SKI: variants seen among roughly 807,000 people sequenced by gnomAD.
SKI encodes the protein SKI proto-oncogene, also known as ski oncogene.
In SKI, 23 loss-of-function variants were observed where a neutral mutation model predicts 59.3. That is an observed-to-expected ratio of 0.39 (90% CI 0.28 to 0.55). SKI has a LOEUF of 0.55. SKI is among the 20% of genes least tolerant of loss of function. The pLI, the probability that SKI is intolerant of heterozygous loss-of-function variation, is 0.67. For synonymous variants in SKI, 673 were observed against 488.6 expected, an observed-to-expected ratio of 1.38 and a Z score of -4.98; for missense variants, 1,017 against 1,038.9, an observed-to-expected ratio of 0.98 and a Z score of 0.29.
chr1:2,287,056 C>T (rs1037997850), intron 1 of SKI, among the ~76,000 whole-genome samples: 1 of 152,116 alleles, frequency 6.6e-6, no homozygotes, highest in African/African-American at 2.4e-5. Flanking sequence ...TTCCCAGACC[C>T]GGTGGTCCAG....
intron 1 of SKI, among the ~76,000 whole-genome samples, chr1:2,293,512 C>G (rs1640214276): frequency 6.6e-6 from 1 of 152,068 alleles, no homozygotes; most frequent in South Asian, 2.1e-4. Context: ...CGTGTCTGTC[C>G]CCACCATCGT....
In SKI at chr1:2,304,383, C is replaced by A; in HGVS notation, c.1565C>A (p.Pro522His). 2 of 1,551,932 alleles carry A rather than the reference C, an allele frequency of 1.3e-6. No individual in the cohort carries two copies. Among genetic ancestry groups the A allele is most frequent in the Non-Finnish European group, 1.7e-6 (2 of 1,147,452 alleles). The change falls in exon 5 of 7, where the codon CCC becomes CAC. Residue 522 changes from proline to histidine, a missense_variant. Transcript: ENST00000378536. ...GGCTCCCCGGGTGCGCGTGCCCTGC[C>A]CTCGGCCGTCCCTGATGCTGCGGCC... ...DLGSPGARAL[P>H]SAVPDAAAPA...
intron 1 of SKI, among the ~76,000 whole-genome samples, chr1:2,274,937 T>G (rs990121688): frequency 3.9e-5 from 6 of 152,178 alleles, no homozygotes; most frequent in Admixed American, 6.5e-5. Flanking sequence ...TCCAATTGTT[T>G]GGGGCCTTCG....
At chr1:2,304,711 AC>A in intron 5 of SKI, 126 bp downstream of exon 5, 2 of 1,414,228 alleles carry the variant, frequency 1.4e-6, no homozygotes, top group Non-Finnish European at 1.9e-6. Flanking sequence ...CTCTGCCTCC[AC>A]CTCAGTGGGC....
chr1:2,271,878 G>A (rs983425738), intron 1 of SKI, among the ~76,000 whole-genome samples: 1 of 152,236 alleles, frequency 6.6e-6, no homozygotes, highest in African/African-American at 2.4e-5. Flanking sequence ...ATTGGCTGGT[G>A]ATGCTTCCAG....
At chr1:2,291,799 C>T (rs974429769) in intron 1 of SKI, among the ~76,000 whole-genome samples, 1 of 152,210 alleles carries the variant, frequency 6.6e-6, no homozygotes, top group African/African-American at 2.4e-5. Flanking sequence ...AAAGATTTGG[C>T]TTTTTGTCAT....
chr1:2,266,138 G>C (rs1639495967), intron 1 of SKI, among the ~76,000 whole-genome samples: 1 of 152,078 alleles, frequency 6.6e-6, no homozygotes, highest in Non-Finnish European at 1.5e-5. Context: ...TCCTGTGGCA[G>C]AATCTTCTGA....
At chr1:2,243,353 G>A (rs1638921315) in intron 1 of SKI, among the ~76,000 whole-genome samples, 1 of 152,250 alleles carries the variant, frequency 6.6e-6, no homozygotes, top group South Asian at 2.1e-4. Context: ...CTCCTCGGCA[G>A]GGGGCCGCCA....
At chr1:2,234,187 G>C (rs993536021) in intron 1 of SKI, among the ~76,000 whole-genome samples, 7 of 152,156 alleles carry the variant, frequency 4.6e-5, no homozygotes, top group Non-Finnish European at 8.8e-5. Context: ...GGAAACAGCA[G>C]CTCGAGAGTG....
chr1:2,278,170 G>T (rs1229736870), intron 1 of SKI, among the ~76,000 whole-genome samples: 1 of 152,204 alleles, frequency 6.6e-6, no homozygotes, highest in Non-Finnish European at 1.5e-5. Flanking sequence ...CCCAGCCTTG[G>T]GTCCCAAAGT....
In SKI at chr1:2,284,412, T is replaced by C. The variant is rs184458285; in HGVS notation, c.970-18566T>C. 4.3e-4 allele frequency among the ~76,000 whole-genome samples: 65 copies of C among 152,328 alleles called. No individual in the cohort carries two copies. In the East Asian group the frequency reaches 8.9e-3, roughly 21 times the overall value. On this transcript the variant is annotated intron_variant, in intron 1 of 6. Transcript: ENST00000378536. ...GGCGGAGCTGCCCTCAGACCTCTTT[T>C]GTAACAGTTATCTCATGGAAACCTA...
At chr1:2,274,687 G>C (rs889620462) in intron 1 of SKI, among the ~76,000 whole-genome samples, 3 of 152,238 alleles carry the variant, frequency 2.0e-5, no homozygotes, top group Non-Finnish European at 2.9e-5. Context: ...CATGAGCCAT[G>C]ACAGTTGGTT....
intron 1 of SKI, among the ~76,000 whole-genome samples, chr1:2,257,403 G>A (rs1341873897): frequency 6.6e-6 from 1 of 152,238 alleles, no homozygotes; most frequent in Non-Finnish European, 1.5e-5. Context: ...GGCCAGCCCC[G>A]ATCCTGCTTC....
At position 2,306,799 on chromosome 1, in the gene SKI, C is replaced by G. The variant is rs1423585605; in HGVS notation, c.*34C>G. On this transcript the variant is annotated 3_prime_UTR_variant, in exon 7 of 7. Transcript: ENST00000378536. ...CCTGCCGCCGCAGCGCCGCCGACAA[C>G]GCGGGTGCAGGGGGGCGCGGCTGGG... is the stretch of plus-strand genomic sequence containing the variant. 2.8e-6 allele frequency: 4 copies of G among 1,451,398 alleles called. No individual in the cohort carries two copies. The highest frequency in any genetic ancestry group is 3.6e-6 in the Non-Finnish European group (4 of 1,103,142). The allele number at this position is 1,451,398 out of a possible 1,614,324, so 89.9% of individuals were successfully genotyped here.
chr1:2,306,086 C>T lies in SKI; in HGVS notation c.1834C>T (p.Leu612=), dbSNP rs35833638. 5.7e-3 allele frequency: 9,212 copies of T among 1,602,498 alleles called. 42 individuals carry two copies. The highest frequency in any genetic ancestry group is 7.0e-3 in the Non-Finnish European group (8,197 of 1,175,960). The change falls in exon 6 of 7, where the codon CTG becomes TTG. Residue 612 remains leucine, a synonymous_variant. Transcript: ENST00000378536. ...GGAGGCCACGGAGGCCAAGCGTAAC[C>T]TGCGGAAGGAGATCGAGCGTCTCCG... ...LREATEAKRN[L]RKEIERLRAE...
chr1:2,306,880 G>A lies in SKI; in HGVS notation c.*115G>A, dbSNP rs1035083590. 8.6e-6 allele frequency: 6 copies of A among 694,150 alleles called. No individual in the cohort carries two copies. The highest frequency in any genetic ancestry group is 1.2e-5 in the Non-Finnish European group (6 of 495,444). The allele number at this position is 694,150 out of a possible 1,614,324, so 43.0% of individuals were successfully genotyped here. A position where few individuals can be genotyped will look rare whatever the true frequency, so the allele number is the denominator to read the frequency against. ...AGCCCACACAGCACAACGTCTTACCGTGCCTATTACCAAGCGAGTGTTTGT... is the reference window on the plus strand; with the variant it reads ...AGCCCACACAGCACAACGTCTTACCATGCCTATTACCAAGCGAGTGTTTGT... On this transcript the variant is annotated 3_prime_UTR_variant, in exon 7 of 7. Coordinates refer to ENST00000378536, the MANE Select transcript of SKI (RefSeq NM_003036.4).
At chr1:2,292,986 T>TG (rs1215540480) in intron 1 of SKI, among the ~76,000 whole-genome samples, 1 of 152,016 alleles carries the variant, frequency 6.6e-6, no homozygotes, top group Non-Finnish European at 1.5e-5. Flanking sequence ...TGGTGGTGAG[T>TG]GGGGCCTGCT....
At chr1:2,237,102 G>C (rs566215214) in intron 1 of SKI, among the ~76,000 whole-genome samples, 2 of 152,280 alleles carry the variant, frequency 1.3e-5, no homozygotes, top group African/African-American at 4.8e-5. Context: ...GGCCCTTCCC[G>C]ACCAGACCTG....
chr1:2,242,710 T>C (rs75482618), intron 1 of SKI, among the ~76,000 whole-genome samples: 1,934 of 152,194 alleles, frequency 0.013, 51 homozygotes, highest in African/African-American at 0.044. Context: ...TTTAGAGATG[T>C]GATCTCCGTT....
Sources: allele counts gnomAD v4.1 joint callset (sites outside exome capture counted in the v4.1 genomes callset), GRCh38; gene constraint gnomAD v4.1.1; transcripts MANE v1.5; gene names NCBI Gene and HGNC (gene_info 2026-07-23, HGNC 2026-07-21).